CELA3B: variants seen among roughly 807,000 people sequenced by gnomAD.
The protein encoded by CELA3B is chymotrypsin like elastase 3B.
In CELA3B, 34 loss-of-function variants were observed where a neutral mutation model predicts 37.2. The observed-to-expected ratio is 0.91, with a 90% CI of 0.70 to 1.22. The LOEUF (loss-of-function observed/expected upper bound fraction) is 1.22, where lower values mean the gene tolerates loss of function less well. Among genes scored for constraint, CELA3B ranks in the 50% most tolerant of loss-of-function variants. CELA3B has a pLI of 0.00. For missense variants in CELA3B, 340 were observed against 363.1 expected, an observed-to-expected ratio of 0.94 and a Z score of 0.52; for synonymous variants, 127 against 143.5, an observed-to-expected ratio of 0.89 and a Z score of 0.82.
At chr1:21,977,214 G>A (rs1644777709) in intron 1 of CELA3B, 132 bp downstream of exon 1, 3 of 1,349,110 alleles carry the variant, frequency 2.2e-6, no homozygotes, top group Non-Finnish European at 3.2e-6. Flanking sequence ...TTGTACCCGG[G>A]GGCATGACTG....
intron 4 of CELA3B, among the ~76,000 whole-genome samples, chr1:21,997,929 A>G (rs1309394605): frequency 6.6e-6 from 1 of 151,388 alleles, no homozygotes; most frequent in African/African-American, 2.4e-5. Flanking sequence ...AAGTTAATCT[A>G]TAATGAAGAT....
At chr1:21,986,240 G>A (rs1321147144) in intron 6 of CELA3B, among the ~76,000 whole-genome samples, 2 of 151,790 alleles carry the variant, frequency 1.3e-5, no homozygotes, top group Admixed American at 6.6e-5. Flanking sequence ...GTGGTGGCAG[G>A]TACCTGTAAT....
In CELA3B at chr1:21,983,805, C is replaced by T. The variant is rs1325019903; in HGVS notation, c.474C>T (p.Tyr158=). The change falls in exon 5 of 8, where the codon TAC becomes TAT. Residue 158 remains tyrosine (Y), a synonymous_variant. Coordinates refer to ENST00000337107, the MANE Select transcript of CELA3B (RefSeq NM_007352.4). ...GDILPNETPC[Y]ITGWGRLYTN... ...TCCTTCCCAACGAGACACCCTGCTACATCACCGGCTGGGGCCGTCTCTATA... is the reference window on the plus strand; with the variant it reads ...TCCTTCCCAACGAGACACCCTGCTATATCACCGGCTGGGGCCGTCTCTATA... The T allele has an allele frequency of 1.2e-6, 2 of 1,613,972 alleles. No homozygotes were observed. Among genetic ancestry groups the T allele is most frequent in the African/African-American group, 1.3e-5 (1 of 74,914 alleles).
At chr1:21,995,490 C>G (rs576987350) in intron 4 of CELA3B, among the ~76,000 whole-genome samples, 3 of 151,182 alleles carry the variant, frequency 2.0e-5, no homozygotes, top group East Asian at 2.0e-4. Flanking sequence ...GGAAACCACA[C>G]TTGCCTGTCT....
chr1:21,991,428 C>T (rs1158358308), downstream of CELA3B, among the ~76,000 whole-genome samples: 3 of 149,564 alleles, frequency 2.0e-5, no homozygotes, highest in South Asian at 2.1e-4. Flanking sequence ...CTCTGCCTCC[C>T]GGGTTCAAGC....
intron 7 of CELA3B, among the ~76,000 whole-genome samples, chr1:21,988,515 C>T (rs190076867): frequency 4.3e-3 from 639 of 149,090 alleles, no homozygotes; most frequent in Non-Finnish European, 5.4e-3. Context: ...TGCTTGAACT[C>T]GGGAGGCAGA....
intron 4 of CELA3B, among the ~76,000 whole-genome samples, chr1:21,996,789 C>T (rs1252797581): frequency 2.0e-5 from 3 of 150,828 alleles, no homozygotes; most frequent in Non-Finnish European, 4.4e-5. Flanking sequence ...CGGGATGATG[C>T]CTTCCCTGGG....
At chr1:21,981,235 C>T (rs1644802675) in intron 4 of CELA3B, 63 bp downstream of exon 4, 2 of 1,557,904 alleles carry the variant, frequency 1.3e-6, no homozygotes, top group Admixed American at 3.6e-5. Flanking sequence ...TGACCCACAG[C>T]CAAGTCTGAG....
At chr1:21,983,922 C>T (rs537227144) in intron 5 of CELA3B, 92 bp downstream of exon 5, 539 of 1,358,982 alleles carry the variant, frequency 4.0e-4, no homozygotes, top group Non-Finnish European at 5.0e-4. Context: ...AAGACCAGAC[C>T]TTGTACTTTT....
chr1:21,981,584 C>T (rs1479903385), intron 4 of CELA3B, among the ~76,000 whole-genome samples: 1 of 151,966 alleles, frequency 6.6e-6, no homozygotes, highest in African/African-American at 2.4e-5. Flanking sequence ...CTGGCATTAA[C>T]TCTGTGTATG....
chr1:21,996,614 A>G (rs1269877738), intron 4 of CELA3B, among the ~76,000 whole-genome samples: 1 of 151,052 alleles, frequency 6.6e-6, no homozygotes, highest in Non-Finnish European at 1.5e-5. Context: ...ACTTTCCTCT[A>G]CGAACTCGCC....
chr1:21,997,364 AG>A (rs1472450641), intron 4 of CELA3B, among the ~76,000 whole-genome samples: 2 of 133,904 alleles, frequency 1.5e-5, no homozygotes, highest in Non-Finnish European at 3.2e-5. Flanking sequence ...AAAAAAAAAA[AG>A]AGCAAGACAA....
intron 3 of CELA3B, 31 bp downstream of exon 3, chr1:21,980,952 C>T: frequency 1.9e-6 from 3 of 1,614,044 alleles, no homozygotes; most frequent in South Asian, 1.1e-5. Context: ...CTGCCTGTGG[C>T]CCCGGGCAGC....
chr1:21,980,346 G>A (rs1240097159), intron 2 of CELA3B, among the ~76,000 whole-genome samples: 3 of 152,088 alleles, frequency 2.0e-5, no homozygotes, highest in Non-Finnish European at 2.9e-5. Context: ...AGGCACGACG[G>A]CAGGTGCCTG....
chr1:21,991,537 T>C (rs1644868896), downstream of CELA3B, among the ~76,000 whole-genome samples: 1 of 151,158 alleles, frequency 6.6e-6, no homozygotes, highest in Admixed American at 6.6e-5. Flanking sequence ...GGTTTCACCA[T>C]GTTGCCCAGG....
At chr1:21,994,241 G>T (rs1196380959), downstream of CELA3B, among the ~76,000 whole-genome samples, 1 of 150,728 alleles carries the variant, frequency 6.6e-6, no homozygotes, top group Non-Finnish European at 1.5e-5. Context: ...AGATTGAAAG[G>T]CTGGAGGGAG....
chr1:21,981,748 TG>T (rs1410556020), intron 4 of CELA3B, among the ~76,000 whole-genome samples: 1 of 150,080 alleles, frequency 6.7e-6, no homozygotes, highest in Non-Finnish European at 1.5e-5. Context: ...TTTTTTGAGA[TG>T]CAGTCTCGCT....
At chr1:21,989,712 C>T (rs535334875), downstream of CELA3B, among the ~76,000 whole-genome samples, 38 of 151,090 alleles carry the variant, frequency 2.5e-4, 2 homozygotes, top group Admixed American at 5.9e-4. Context: ...TCAGCAGGCT[C>T]ATGGTAGAGT....
chr1:21,992,730 C>T (rs1296374480), downstream of CELA3B, among the ~76,000 whole-genome samples: 5 of 151,150 alleles, frequency 3.3e-5, no homozygotes, highest in East Asian at 1.9e-4. Context: ...AATCCCAGCA[C>T]TTTGGGAGGT....
Sources: allele counts gnomAD v4.1 joint callset (sites outside exome capture counted in the v4.1 genomes callset), GRCh38; gene constraint gnomAD v4.1.1; transcripts MANE v1.5; gene names NCBI Gene and HGNC (gene_info 2026-07-23, HGNC 2026-07-21).